CFAP221: variants seen among roughly 807,000 people sequenced by gnomAD.
CFAP221 encodes the protein cilia and flagella associated protein 221, also known as cilia- and flagella-associated protein 221.
CFAP221 carries 97 observed loss-of-function variants against 113.1 expected under a neutral mutation model. The observed-to-expected ratio is 0.86, with a 90% confidence interval of 0.73 to 1.02. The LOEUF is 1.02. Ranked by LOEUF, CFAP221 falls within the 50% of genes least tolerant of loss-of-function variation. The pLI, the probability that CFAP221 is intolerant of heterozygous loss-of-function variation, is 0.00. For missense variants in CFAP221, 1,025 were observed against 1,013.4 expected (o/e 1.01, Z -0.16); for synonymous variants, 331 against 354.4 (o/e 0.93, Z 0.74).
intron 23 of CFAP221, among the ~76,000 whole-genome samples, chr2:119,653,380 C>T (rs1266919535): frequency 6.6e-6 from 1 of 151,784 alleles, no homozygotes; most frequent in Non-Finnish European, 1.5e-5. Flanking sequence ...AACTCCATCT[C>T]AAAAAAATAA....
chr2:119,596,510 C>G (rs1683991804), intron 7 of CFAP221, among the ~76,000 whole-genome samples: 1 of 152,194 alleles, frequency 6.6e-6, no homozygotes, highest in East Asian at 1.9e-4. Context: ...CACATCCCCC[C>G]ATCAGTACAG....
chr2:119,586,087 G>A (rs573577790), intron 6 of CFAP221, among the ~76,000 whole-genome samples: 5 of 152,258 alleles, frequency 3.3e-5, no homozygotes, highest in East Asian at 3.9e-4. Context: ...GGCCAGCCTC[G>A]AGGCAGGAGG....
chr2:119,596,195 C>G (rs1683957943), intron 7 of CFAP221, among the ~76,000 whole-genome samples: 1 of 152,118 alleles, frequency 6.6e-6, no homozygotes, highest in Non-Finnish European at 1.5e-5. Context: ...CAGGCCTCCC[C>G]CTCAGGAAGG....
chr2:119,568,315 C>T (rs1296304498), intron 6 of CFAP221, among the ~76,000 whole-genome samples: 1 of 151,816 alleles, frequency 6.6e-6, no homozygotes, highest in African/African-American at 2.4e-5. Context: ...CTTCAGTGTT[C>T]TTCCTTTATT....
intron 22 of CFAP221, among the ~76,000 whole-genome samples, chr2:119,647,701 T>A (rs1028328270): frequency 3.3e-5 from 5 of 152,172 alleles, no homozygotes; most frequent in African/African-American, 9.7e-5. Context: ...TCCTCTTTTT[T>A]AAAAATATAC....
At chr2:119,605,048 T>G in intron 10 of CFAP221, 61 bp downstream of exon 10, 1 of 1,526,682 alleles carries the variant, frequency 6.6e-7, no homozygotes, top group Non-Finnish European at 9.1e-7. Flanking sequence ...TCATTGCTGG[T>G]CACACTGATT....
chr2:119,570,281 A>G (rs915241671), intron 6 of CFAP221, among the ~76,000 whole-genome samples: 3 of 152,158 alleles, frequency 2.0e-5, no homozygotes, highest in African/African-American at 7.2e-5. Context: ...AAGTCTTTTC[A>G]TTCTCCCATG....
At chr2:119,601,654 T>A in intron 8 of CFAP221, 1 of 295,854 alleles carries the variant, frequency 3.4e-6, no homozygotes, top group Non-Finnish European at 6.2e-6. Flanking sequence ...CTGTTGGAAT[T>A]TTTTTACCAT....
chr2:119,630,641 T>C lies in CFAP221; in HGVS notation c.1803T>C (p.Pro601=). 3 of 1,613,986 alleles carry C rather than the reference T, an allele frequency of 1.9e-6. No homozygotes were observed. The highest frequency in any genetic ancestry group is 2.5e-6 in the Non-Finnish European group (3 of 1,179,816). ...SVHKSSTSYR[P]QKLARALKQG... Reference sequence around the variant, plus strand: ...ACAAGTCTTCAACAAGTTACAGACCTCAAAAGCTTGCCCGAGCCCTAAAGC... The same window carrying C: ...ACAAGTCTTCAACAAGTTACAGACCCCAAAAGCTTGCCCGAGCCCTAAAGC... The change falls in exon 18 of 24, where the codon CCT becomes CCC. Residue 601 remains proline (P), a synonymous_variant. Transcript: ENST00000413369.
At chr2:119,572,631 T>C in intron 6 of CFAP221, 1 of 691,512 alleles carries the variant, frequency 1.4e-6, no homozygotes, top group Non-Finnish European at 2.6e-6. Context: ...TCAACTCATT[T>C]TCCTTGCACC....
chr2:119,596,257 T>C (rs984514321), intron 7 of CFAP221, among the ~76,000 whole-genome samples: 4 of 152,098 alleles, frequency 2.6e-5, no homozygotes, highest in African/African-American at 9.7e-5. Context: ...GAGGGACAGA[T>C]GATGGAGTGA....
chr2:119,625,967 A>G (rs1481040597), intron 15 of CFAP221, among the ~76,000 whole-genome samples: 1 of 152,138 alleles, frequency 6.6e-6, no homozygotes, highest in East Asian at 1.9e-4. Context: ...TAATGGCTTA[A>G]AAGAATGCAA....
intron 19 of CFAP221, among the ~76,000 whole-genome samples, chr2:119,637,842 A>C (rs1687211105): frequency 2.4e-4 from 36 of 152,174 alleles, no homozygotes; most frequent in Admixed American, 2.4e-3. Context: ...CATCTCTTTA[A>C]AGTAGCTTTT....
rs764486686 is a variant in CFAP221, at chr2:119,638,372, C to T, written c.2088C>T (p.His696=). The T allele has an allele frequency of 1.7e-5, 28 of 1,614,060 alleles. No individual in the cohort carries two copies. In the African/African-American group the frequency reaches 1.7e-4, roughly 10 times the overall value. Reference sequence around the variant, plus strand: ...ACAAATTCACCAAAGAGTCCCGCCACGGGTCCAGCATTCCTGTCACCCAAA... The same window carrying T: ...ACAAATTCACCAAAGAGTCCCGCCATGGGTCCAGCATTCCTGTCACCCAAA... ...PKYKFTKESR[H]GSSIPVTQKQ... The change falls in exon 20 of 24, where the codon CAC becomes CAT. Residue 696 remains histidine (H), a synonymous_variant. Transcript: ENST00000413369.
At chr2:119,602,174 T>A (rs376621573) in intron 8 of CFAP221, among the ~76,000 whole-genome samples, 9 of 152,180 alleles carry the variant, frequency 5.9e-5, no homozygotes, top group African/African-American at 2.2e-4. Flanking sequence ...GAGGTCAGGC[T>A]TTCAAGACCA....
At chr2:119,592,245 A>C (rs1683648710) in intron 7 of CFAP221, among the ~76,000 whole-genome samples, 1 of 152,266 alleles carries the variant, frequency 6.6e-6, no homozygotes, top group Admixed American at 6.5e-5. Flanking sequence ...TTGACTGAAG[A>C]AAAACAAGTG....
intron 8 of CFAP221, among the ~76,000 whole-genome samples, chr2:119,604,442 G>C (rs1036701358): frequency 9.2e-5 from 14 of 151,748 alleles, no homozygotes; most frequent in Middle Eastern, 3.4e-3. Flanking sequence ...CAAAAAAAAA[G>C]AATGTAAGGC....
chr2:119,584,586 C>G (rs1413728858), intron 6 of CFAP221, among the ~76,000 whole-genome samples: 4 of 127,140 alleles, frequency 3.1e-5, no homozygotes, highest in Non-Finnish European at 5.1e-5. Flanking sequence ...GACTGTGTCT[C>G]AAAAAAAAAA....
chr2:119,612,785 C>T (rs896733263), intron 13 of CFAP221, among the ~76,000 whole-genome samples: 4 of 152,232 alleles, frequency 2.6e-5, no homozygotes, highest in Non-Finnish European at 5.9e-5. Context: ...CTCCAAATCT[C>T]ATGTCCTCAC....
Sources: allele counts gnomAD v4.1 joint callset (sites outside exome capture counted in the v4.1 genomes callset), GRCh38; gene constraint gnomAD v4.1.1; transcripts MANE v1.5; gene names NCBI Gene and HGNC (gene_info 2026-07-23, HGNC 2026-07-21).